Variants in RANBP17 observed in about 807,000 individuals in gnomAD.
The protein encoded by RANBP17 is RAN binding protein 17.
A neutral mutation model predicts 141.2 loss-of-function variants in RANBP17; 158 were observed. The ratio of observed to expected loss-of-function variants is 1.12; its 90% CI spans 0.98 to 1.28. The LOEUF (loss-of-function observed/expected upper bound fraction) is 1.28, where lower values mean the gene tolerates loss of function less well. RANBP17 is among the 50% of genes most tolerant of loss of function. RANBP17 has a pLI of 0.00. For synonymous variants in RANBP17, 430 were observed against 450.0 expected (o/e 0.96, Z 0.56); for missense variants, 1,438 against 1,290.7 (o/e 1.11, Z -1.75).
At chr5:170,862,085 G>A in intron 1 of RANBP17, 34 bp downstream of exon 1, 1 of 1,440,734 alleles carries the variant, frequency 6.9e-7, no homozygotes. Context: ...CCCGCGCTCC[G>A]CCACGCTGGG....
intron 12 of RANBP17, among the ~76,000 whole-genome samples, chr5:170,928,562 AT>A (rs1464696463): frequency 6.6e-6 from 1 of 152,074 alleles, no homozygotes; most frequent in Non-Finnish European, 1.5e-5. Flanking sequence ...TTCTAACACC[AT>A]TTGTAGAAAA....
intron 21 of RANBP17, among the ~76,000 whole-genome samples, chr5:171,217,349 A>G (rs1032154860): frequency 1.3e-5 from 2 of 152,174 alleles, no homozygotes; most frequent in African/African-American, 2.4e-5. Flanking sequence ...GATGTTCATC[A>G]GGGATATTGG....
At chr5:171,182,051 G>C (rs1270058933) in intron 16 of RANBP17, among the ~76,000 whole-genome samples, 1 of 152,212 alleles carries the variant, frequency 6.6e-6, no homozygotes, top group Non-Finnish European at 1.5e-5. Context: ...TGATACCCAT[G>C]CCTGAGTGAC....
In RANBP17 at chr5:171,267,628, G is replaced by A. The variant is rs781209636; in HGVS notation, c.2943+1781G>A. On this transcript the variant is annotated intron_variant, in intron 25 of 27. Transcript: ENST00000523189. ...TCGAGACCAGCCTGGCCAATATGGC[G>A]AAACCCTGTCTCTACTAAAAATACA... 4.5e-4 allele frequency among the ~76,000 whole-genome samples: 68 copies of A among 152,086 alleles called. 2 individuals are homozygous for A. Among genetic ancestry groups the A allele is most frequent in the Non-Finnish European group, 4.0e-4 (27 of 67,988 alleles).
intron 11 of RANBP17, among the ~76,000 whole-genome samples, chr5:170,921,019 A>G (rs184781983): frequency 9.5e-4 from 145 of 152,074 alleles, no homozygotes; most frequent in Non-Finnish European, 7.5e-4. Flanking sequence ...GATTGCAAAG[A>G]TTTTCTCCCA....
At chr5:171,210,602 A>G (rs2127968532) in intron 20 of RANBP17, among the ~76,000 whole-genome samples, 1 of 152,240 alleles carries the variant, frequency 6.6e-6, no homozygotes, top group Middle Eastern at 3.4e-3. Context: ...CCTTGGTGGA[A>G]TATTTTCTCA....
intron 14 of RANBP17, among the ~76,000 whole-genome samples, chr5:171,073,106 A>G (rs1211547675): frequency 6.6e-6 from 1 of 152,144 alleles, no homozygotes; most frequent in Non-Finnish European, 1.5e-5. Flanking sequence ...TCTGTGTGGT[A>G]ATGGGATGGT....
In RANBP17 at chr5:171,064,102, C is replaced by T. The variant is rs898345298; in HGVS notation, c.1710+95725C>T. 2.6e-5 allele frequency among the ~76,000 whole-genome samples: 4 copies of T among 152,368 alleles called. No homozygotes were observed. The South Asian group carries it at 8.3e-4, about 32-fold the overall frequency. ...TGACTAGGAAAGGGAACTCCCTGAC[C>T]CCTTGCACTTCTGGAGTGAGGCAAT... On this transcript the variant is annotated intron_variant, in intron 14 of 27. Transcript: ENST00000523189.
rs1313360123 is a variant in RANBP17 at position 170,968,317 on chromosome 5, G to T, written c.1650G>T (p.Leu550=). The T allele has an allele frequency of 3.7e-6, 6 of 1,609,390 alleles. No homozygotes were observed. The highest frequency in any genetic ancestry group is 5.1e-6 in the Non-Finnish European group (6 of 1,177,946). The part of the protein sequence containing the change: ...CCNEKIELAI[L]WFLDQFRKTY... Reference sequence around the variant, plus strand: ...ATGAGAAAATAGAGCTTGCAATTCTGTGGTTCTTGGATCAGTTTCGTAAAA... The same window carrying T: ...ATGAGAAAATAGAGCTTGCAATTCTTTGGTTCTTGGATCAGTTTCGTAAAA... Residue 550 remains leucine (L), a synonymous_variant, in exon 14 of 28, where the codon CTG becomes CTT. Coordinates refer to ENST00000523189, the MANE Select transcript of RANBP17 (RefSeq NM_022897.5).
At chr5:171,194,817 G>T (rs1761867152) in intron 18 of RANBP17, among the ~76,000 whole-genome samples, 3 of 152,184 alleles carry the variant, frequency 2.0e-5, no homozygotes, top group African/African-American at 7.2e-5. Context: ...AACAATGGTT[G>T]TAGCATTTTA....
At chr5:171,209,265 C>A (rs1333297451) in intron 20 of RANBP17, among the ~76,000 whole-genome samples, 3 of 152,146 alleles carry the variant, frequency 2.0e-5, no homozygotes, top group Non-Finnish European at 4.4e-5. Flanking sequence ...TGTTTTGTTA[C>A]ATATACCACT....
At chr5:171,124,180 A>T (rs934058299) in intron 14 of RANBP17, among the ~76,000 whole-genome samples, 11 of 152,138 alleles carry the variant, frequency 7.2e-5, no homozygotes, top group Admixed American at 3.9e-4. Flanking sequence ...CAACATCGTG[A>T]AACCAAAGAA....
intron 14 of RANBP17, among the ~76,000 whole-genome samples, chr5:171,048,395 T>G (rs1310585423): frequency 2.0e-5 from 3 of 152,164 alleles, no homozygotes; most frequent in Non-Finnish European, 4.4e-5. Flanking sequence ...TTTAATCTGT[T>G]CACACAATCT....
At position 171,163,522 on chromosome 5, in the gene RANBP17, CA is replaced by C. The variant is rs140545685; in HGVS notation, c.1711-6605del. On this transcript the variant is annotated intron_variant, in intron 14 of 27. Transcript: ENST00000523189. Reference sequence around the variant, plus strand: ...CTTATAGAAAGCACTGAATTGACCTCAAAGGCACTTGAAGCCTAAAACAAAA... The same window carrying C: ...CTTATAGAAAGCACTGAATTGACCTCAAGGCACTTGAAGCCTAAAACAAAA... Among the ~76,000 whole-genome samples, 65 of 152,238 alleles carry C rather than the reference CA, an allele frequency of 4.3e-4. No homozygotes were observed. The East Asian group carries it at 0.012, about 28-fold the overall frequency.
intron 14 of RANBP17, among the ~76,000 whole-genome samples, chr5:171,088,367 A>G (rs4041529): frequency 0.64 from 97,834 of 151,896 alleles, 32,168 homozygotes; most frequent in South Asian, 0.88. Context: ...TGTAAGTAAC[A>G]TGACCTTTCT....
At chr5:170,968,404 C>T in intron 14 of RANBP17, 27 bp downstream of exon 14, 4 of 1,589,260 alleles carry the variant, frequency 2.5e-6, no homozygotes, top group Non-Finnish European at 3.4e-6. Flanking sequence ...GAGTTTAAAA[C>T]ATGTTATTGG....
At chr5:170,888,648 CAA>C (rs1769353417) in intron 3 of RANBP17, among the ~76,000 whole-genome samples, 1 of 152,106 alleles carries the variant, frequency 6.6e-6, no homozygotes, top group Admixed American at 6.6e-5. Context: ...CATCTGTGAG[CAA>C]AGACACTTTT....
At chr5:171,180,573 A>G (rs763548635) in intron 16 of RANBP17, among the ~76,000 whole-genome samples, 8 of 152,204 alleles carry the variant, frequency 5.3e-5, no homozygotes, top group African/African-American at 1.2e-4. Flanking sequence ...TTAGAGAAGA[A>G]TAAGATCAGA....
chr5:170,957,953 C>CAATG (rs1194204632), intron 13 of RANBP17, among the ~76,000 whole-genome samples: 1 of 152,302 alleles, frequency 6.6e-6, no homozygotes, highest in African/African-American at 2.4e-5. Context: ...TACCTAGGAG[C>CAATG]AATGGTTCAT....
Sources: gnomAD v4.1 joint callset for allele counts (sites outside exome capture counted in the v4.1 genomes callset) on GRCh38, gnomAD v4.1.1 for gene constraint, MANE v1.5 for transcripts, NCBI Gene and HGNC (gene_info 2026-07-23, HGNC 2026-07-21) for gene names.